Variants in DNHD1 observed in about 807,000 individuals in gnomAD.
The protein encoded by DNHD1 is dynein heavy chain domain 1, also known as dynein heavy chain domain-containing protein 1.
Under a neutral mutation model 458.1 loss-of-function variants are expected in DNHD1, and 383 were observed. The ratio of observed to expected loss-of-function variants is 0.84; its 90% CI spans 0.77 to 0.91. The LOEUF (loss-of-function observed/expected upper bound fraction) is 0.91, where lower values mean the gene tolerates loss of function less well. Ranked by LOEUF, DNHD1 falls within the 40% of genes least tolerant of loss-of-function variation. The probability of loss-of-function intolerance (pLI) is 0.00; values close to 1 mark genes in which losing one functional copy is unlikely to be tolerated. For missense variants in DNHD1, 5,336 were observed against 5,866.1 expected (o/e 0.91, Z 2.95); for synonymous variants, 2,203 against 2,376.9 (o/e 0.93, Z 2.13).
chr11:6,549,062 T>G, intron 24 of DNHD1, 129 bp downstream of exon 24: 1 of 1,044,764 alleles, frequency 9.6e-7, no homozygotes, highest in Non-Finnish European at 1.4e-6. Context: ...TCTTAATATC[T>G]TCTCATTCTA....
intron 4 of DNHD1, 87 bp downstream of exon 4, chr11:6,503,013 A>C (rs1852168818): frequency 1.4e-6 from 2 of 1,438,354 alleles, no homozygotes; most frequent in Non-Finnish European, 9.4e-7. Context: ...CCACGTGCGC[A>C]CCCTTCTCCC....
At chr11:6,535,315 A>G (rs1014434032) in intron 14 of DNHD1, among the ~76,000 whole-genome samples, 5 of 152,194 alleles carry the variant, frequency 3.3e-5, no homozygotes, top group African/African-American at 4.8e-5. Flanking sequence ...ATGTGCACAC[A>G]TTTGCTATCT....
intron 6 of DNHD1, 47 bp downstream of exon 6, chr11:6,509,319 T>G: frequency 1.3e-6 from 2 of 1,506,406 alleles, no homozygotes; most frequent in Non-Finnish European, 1.8e-6. Context: ...AAAATTAGTT[T>G]TACTAAAGGT....
At chr11:6,534,270 CA>C (rs1852893267) in intron 14 of DNHD1, 97 bp downstream of exon 14, 1 of 1,292,446 alleles carries the variant, frequency 7.7e-7, no homozygotes, top group African/African-American at 1.5e-5. Context: ...TGTATGACCC[CA>C]AGCAAGCCTT....
In DNHD1 at chr11:6,546,599, C is replaced by A; in HGVS notation, c.5660C>A (p.Thr1887Lys). 6.4e-7 allele frequency: 1 copy of A among 1,551,814 alleles called. No individual in the cohort carries two copies. Among genetic ancestry groups the A allele is most frequent in the South Asian group, 1.2e-5 (1 of 84,066 alleles). ...CAGATACTGGAAGACACAATACGGA[C>A]ACTAAATGTGACCAAGGAGGAACCG... Reference protein sequence around the residue: ...LKQILEDTIRTLNVTKEEPKC... With the variant: ...LKQILEDTIRKLNVTKEEPKC... Residue 1887 changes from threonine to lysine, a missense_variant, in exon 21 of 43, where the codon ACA (threonine) becomes AAA (lysine). Thr to Lys is a moderately conservative substitution (Grantham distance 78). Around this residue, in one of 4 missense-constraint regions of DNHD1, gnomAD observed 3,932 missense variants for 4,365.6 expected, o/e 0.90. Transcript: ENST00000254579.
At position 6,548,666 on chromosome 11, in the gene DNHD1, G is replaced by A. The variant is rs11606889; in HGVS notation, c.7120G>A (p.Val2374Met). ...GCAGACTGAACGGCTCTTGTATGTGGTGGACCTGCTTCTGTCAGGGGGACA... is the reference window on the plus strand; with the variant it reads ...GCAGACTGAACGGCTCTTGTATGTGATGGACCTGCTTCTGTCAGGGGGACA... ...SIQTERLLYVVDLLLSGGQPV... is the reference protein window; with the variant it reads ...SIQTERLLYVMDLLLSGGQPV... Residue 2374 changes from valine to methionine, a missense_variant, in exon 24 of 43, where the codon GTG (valine) becomes ATG (methionine). This residue lies in a region of DNHD1 where 3,932 missense variants were observed against 4,365.6 expected (regional missense o/e 0.90). Coordinates refer to ENST00000254579, the MANE Select transcript of DNHD1 (RefSeq NM_144666.3). This position sits in a 1 kb window ranked among gnomAD's most constrained non-coding sequence, Gnocchi z 4.4. The A allele has an allele frequency of 0.18, 284,093 of 1,551,414 alleles. 27,527 individuals are homozygous for A. The highest frequency in any genetic ancestry group is 0.23 in the South Asian group (19,349 of 84,054).
chr11:6,511,522 C>T, intron 7 of DNHD1, 93 bp downstream of exon 7: 1 of 1,495,876 alleles, frequency 6.7e-7, no homozygotes, highest in Admixed American at 1.9e-5. Context: ...CTGGAATCCA[C>T]TGTATGACCT....
At chr11:6,528,436 T>TGA in intron 10 of DNHD1, 86 bp from the exon 11 acceptor site, 9 of 1,160,122 alleles carry the variant, frequency 7.8e-6, no homozygotes, top group South Asian at 1.6e-5. Flanking sequence ...TGTGTGTGTG[T>TGA]ACACACACTG....
At position 6,556,912 on chromosome 11, in the gene DNHD1, T is replaced by C. The variant is rs1242702677; in HGVS notation, c.7617T>C (p.His2539=). The C allele has an allele frequency of 1.9e-6, 3 of 1,551,718 alleles. No homozygotes were observed. The Admixed American group carries it at 5.9e-5, about 30-fold the overall frequency. ...CCCAGGCCACCCTGCTGGAAAGACA[T>C]GTGCCTATCATTCAGGCTTGGCTTG... The part of the protein sequence containing the change: ...SMTQATLLER[H]VPIIQAWLER... Residue 2539 remains histidine (H), a synonymous_variant, in exon 25 of 43, where the codon CAT becomes CAC. Transcript: ENST00000254579.
Position 6,498,213 on chromosome 11 carries a change from C to T in DNHD1, c.-3C>T. ...TCGACAGCAGTTGAATGCCCAGCTCCTCATGGTCCCGGAGGAGAGGAGGGT... is the reference window on the plus strand; with the variant it reads ...TCGACAGCAGTTGAATGCCCAGCTCTTCATGGTCCCGGAGGAGAGGAGGGT... On this transcript the variant is annotated 5_prime_UTR_variant, in exon 3 of 43. Coordinates refer to ENST00000254579, the MANE Select transcript of DNHD1 (RefSeq NM_144666.3). The T allele has an allele frequency of 6.2e-7, 1 of 1,606,904 alleles. No individual in the cohort carries two copies. Among genetic ancestry groups the T allele is most frequent in the Non-Finnish European group, 8.5e-7 (1 of 1,174,906 alleles).
intron 18 of DNHD1, among the ~76,000 whole-genome samples, chr11:6,543,794 T>C (rs1024662229): frequency 6.6e-6 from 1 of 151,882 alleles, no homozygotes; most frequent in Non-Finnish European, 1.5e-5. Flanking sequence ...ACCCCGTCTC[T>C]ACTAAACATA....
chr11:6,563,457 C>A lies in DNHD1; in HGVS notation c.9745C>A (p.Pro3249Thr), dbSNP rs1261841085. The A allele has an allele frequency of 6.4e-7, 1 of 1,551,560 alleles. No individual in the cohort carries two copies. Among genetic ancestry groups the A allele is most frequent in the Non-Finnish European group, 8.7e-7 (1 of 1,146,984 alleles). The change falls in exon 30 of 43, where the codon CCA (proline) becomes ACA (threonine). Residue 3249 changes from proline to threonine, a missense_variant. Pro to Thr is a conservative substitution (Grantham distance 38). This residue lies in a region of DNHD1 where 3,932 missense variants were observed against 4,365.6 expected (regional missense o/e 0.90). Transcript: ENST00000254579. ...TGAGGAGATACGGAGCTATCGAGCA[C>A]CACCAGAATCTGTGGTCCGGGTAAC... Reference protein sequence around the residue: ...DFEEIRSYRAPPESVVRVTDA... With the variant: ...DFEEIRSYRATPESVVRVTDA...
chr11:6,534,151 C>G lies in DNHD1; in HGVS notation c.2976C>G (p.His992Gln). 6.4e-7 allele frequency: 1 copy of G among 1,551,166 alleles called. No individual in the cohort carries two copies. The highest frequency in any genetic ancestry group is 8.7e-7 in the Non-Finnish European group (1 of 1,146,908). ...QNTVSDLSELHHAYAIFTEDE... is the reference protein window; with the variant it reads ...QNTVSDLSELQHAYAIFTEDE... ...CAGTCAGCGACCTCAGTGAACTGCA[C>G]CACGCCTATGCCATCTTCACTGGTA... The change falls in exon 14 of 43, where the codon CAC becomes CAG. Residue 992 changes from histidine to glutamine, a missense_variant. Coordinates refer to ENST00000254579, the MANE Select transcript of DNHD1 (RefSeq NM_144666.3).
In DNHD1 at chr11:6,568,762, C is replaced by T. The variant is rs1172783845; in HGVS notation, c.12759C>T (p.Leu4253=). 1 of 1,613,614 alleles carries T rather than the reference C, an allele frequency of 6.2e-7. No homozygotes were observed. Among genetic ancestry groups the T allele is most frequent in the African/African-American group, 1.3e-5 (1 of 75,044 alleles). ...GTGTGGAGCTAGCCCAGCAAGTACT[C>T]TACATGCAACCCCCCACCCAGGCAC... is the stretch of plus-strand genomic sequence containing the variant. ...IDSVELAQQV[L]YMQPPTQALP... Residue 4253 remains leucine (L), a synonymous_variant, in exon 39 of 43, where the codon CTC becomes CTT. Coordinates refer to ENST00000254579, the MANE Select transcript of DNHD1 (RefSeq NM_144666.3).
chr11:6,549,511 T>C (rs1853291645), intron 24 of DNHD1, among the ~76,000 whole-genome samples: 1 of 152,246 alleles, frequency 6.6e-6, no homozygotes, highest in African/African-American at 2.4e-5. Flanking sequence ...CTCTCTCTAA[T>C]TGGACTTAAC....
chr11:6,542,388 C>A (rs1218149166), intron 18 of DNHD1, among the ~76,000 whole-genome samples: 1 of 152,182 alleles, frequency 6.6e-6, no homozygotes, highest in African/African-American at 2.4e-5. Flanking sequence ...ATAATGTGGG[C>A]CTTGGGATGC....
At position 6,544,780 on chromosome 11, in the gene DNHD1, C is replaced by T. The variant is rs1853170893; in HGVS notation, c.3853-12C>T. The T allele has an allele frequency of 6.5e-7, 1 of 1,548,528 alleles. No homozygotes were observed. ...ATATTGGCCCTCACTTTTATCCTCT[C>T]CCTCACCACAGAACTCTCGTTTCAA... On this transcript the variant is annotated splice_polypyrimidine_tract_variant and intron_variant, in intron 20 of 42. Coordinates refer to ENST00000254579, the MANE Select transcript of DNHD1 (RefSeq NM_144666.3).
At position 6,528,932 on chromosome 11, in the gene DNHD1, A is replaced by G; in HGVS notation, c.2158A>G (p.Ile720Val). The change falls in exon 12 of 43, where the codon ATT (isoleucine) becomes GTT (valine). Residue 720 changes from isoleucine (I) to valine (V), a missense_variant. This residue lies in a region of DNHD1 where 3,932 missense variants were observed against 4,365.6 expected (regional missense o/e 0.90). Coordinates refer to ENST00000254579, the MANE Select transcript of DNHD1 (RefSeq NM_144666.3). ...CAGGGAACATCATTGGATAACAGGC[A>G]TTTATGAATTCCTGCAATCCTGGGG... Reference protein sequence around the residue: ...FCREHHWITGIYEFLQSWGPQ... With the variant: ...FCREHHWITGVYEFLQSWGPQ... 1 of 1,551,734 alleles carries G rather than the reference A, an allele frequency of 6.4e-7. No individual in the cohort carries two copies. Among genetic ancestry groups the G allele is most frequent in the Non-Finnish European group, 8.7e-7 (1 of 1,146,994 alleles).
chr11:6,551,112 C>A (rs1017440803), intron 24 of DNHD1, among the ~76,000 whole-genome samples: 3 of 152,106 alleles, frequency 2.0e-5, no homozygotes. Context: ...CAAAATAAGT[C>A]TCAACAAATT....
Sources: allele counts gnomAD v4.1 joint callset (sites outside exome capture counted in the v4.1 genomes callset), GRCh38; gene constraint gnomAD v4.1.1; regional missense constraint gnomAD v4.1.1; non-coding constraint Gnocchi (gnomAD v3.1); transcripts MANE v1.5; gene names NCBI Gene and HGNC (gene_info 2026-07-23, HGNC 2026-07-21).